SORCS1: variants seen among roughly 807,000 people sequenced by gnomAD.
The protein encoded by SORCS1 is VPS10 domain-containing receptor SorCS1.
A neutral mutation model predicts 146.1 loss-of-function variants in SORCS1; 60 were observed. The ratio of observed to expected loss-of-function variants is 0.41; its 90% CI spans 0.33 to 0.51. SORCS1 has a LOEUF of 0.51. Among genes scored for constraint, SORCS1 ranks in the 20% least tolerant of loss-of-function variants. SORCS1 has a pLI of 0.21. For missense variants in SORCS1, 1,352 were observed against 1,487.6 expected (o/e 0.91, Z 1.50); for synonymous variants, 637 against 584.0 (o/e 1.09, Z -1.31).
At chr10:107,140,398 A>G (rs1321197201) in intron 1 of SORCS1, among the ~76,000 whole-genome samples, 3 of 152,234 alleles carry the variant, frequency 2.0e-5, no homozygotes, top group Non-Finnish European at 4.4e-5. Flanking sequence ...TAATTCCACA[A>G]TATCATTTTT....
chr10:106,752,737 G>A (rs1564931659), intron 5 of SORCS1, among the ~76,000 whole-genome samples: 1 of 152,144 alleles, frequency 6.6e-6, no homozygotes, highest in Non-Finnish European at 1.5e-5. Context: ...TCATTGGGGT[G>A]TTGGTGGTGG....
Position 107,025,773 on chromosome 10 carries a change from T to C in SORCS1, c.559-69193A>G, listed in dbSNP as rs116381379. Among the ~76,000 whole-genome samples the C allele has an allele frequency of 9.8e-3, 1,488 of 152,264 alleles. 24 individuals are homozygous for C. Among genetic ancestry groups the C allele is most frequent in the African/African-American group, 0.033 (1,382 of 41,532 alleles). On this transcript the variant is annotated intron_variant, in intron 1 of 25. Coordinates refer to ENST00000263054, the MANE Select transcript of SORCS1 (RefSeq NM_052918.5). ...AGCTGGAACTTAATTCCACAGGCAGTAGGAACCACGGGAGTCTTTTATGGG... is the reference window on the plus strand; with the variant it reads ...AGCTGGAACTTAATTCCACAGGCAGCAGGAACCACGGGAGTCTTTTATGGG...
intron 3 of SORCS1, among the ~76,000 whole-genome samples, chr10:106,794,762 C>T (rs941062472): frequency 2.6e-5 from 4 of 152,270 alleles, no homozygotes; most frequent in African/African-American, 9.6e-5. Flanking sequence ...CTCGGCCTCC[C>T]AAAGTGCTGG....
chr10:106,694,356 T>G (rs1190952571), intron 9 of SORCS1, among the ~76,000 whole-genome samples: 2 of 152,138 alleles, frequency 1.3e-5, no homozygotes, highest in African/African-American at 4.8e-5. Flanking sequence ...ACCTCATGGG[T>G]GCAAGTGATT....
intron 1 of SORCS1, among the ~76,000 whole-genome samples, chr10:107,157,659 T>A (rs527506507): frequency 1.5e-4 from 23 of 152,340 alleles, no homozygotes; most frequent in African/African-American, 5.5e-4. Context: ...ATCCACGTCC[T>A]TTTTTTACTC....
chr10:107,143,815 T>C (rs772112838), intron 1 of SORCS1, among the ~76,000 whole-genome samples: 1 of 151,578 alleles, frequency 6.6e-6, no homozygotes, highest in Non-Finnish European at 1.5e-5. Flanking sequence ...AATTTTCCTA[T>C]TTTTTTTGTA....
intron 17 of SORCS1, chr10:106,667,451 T>C (rs1196569557): frequency 1.5e-5 from 7 of 479,376 alleles, no homozygotes; most frequent in African/African-American, 1.3e-4. Flanking sequence ...ATATCATCAT[T>C]GTGATCTTCA....
At position 107,049,066 on chromosome 10, in the gene SORCS1, C is replaced by T. The variant is rs530520799; in HGVS notation, c.559-92486G>A. On this transcript the variant is annotated intron_variant, in intron 1 of 25. Transcript: ENST00000263054. ...ATTAAGAAAATGTGGCACATATACA[C>T]CATGGAATACTATGCAGCCATAAAA... Among the ~76,000 whole-genome samples, 4 of 151,446 alleles carry T rather than the reference C, an allele frequency of 2.6e-5. No individual in the cohort carries two copies. The East Asian group carries it at 7.8e-4, about 29-fold the overall frequency.
chr10:107,139,638 A>G (rs1967633713), intron 1 of SORCS1, among the ~76,000 whole-genome samples: 1 of 152,220 alleles, frequency 6.6e-6, no homozygotes, highest in Admixed American at 6.5e-5. Context: ...GCCCAAATAC[A>G]TGACGCAGTT....
chr10:106,578,392 T>C (rs1350404230), intron 25 of SORCS1: 1 of 152,538 alleles, frequency 6.6e-6, no homozygotes. Context: ...CAACTTCTGG[T>C]AAGGGACAGT....
At chr10:106,617,018 G>A (rs1219890691) in intron 21 of SORCS1, among the ~76,000 whole-genome samples, 4 of 150,232 alleles carry the variant, frequency 2.7e-5, no homozygotes, top group East Asian at 2.0e-4. Flanking sequence ...GCAATGGCGC[G>A]ATCTTGGTTC....
At chr10:106,660,244 G>A (rs1850623474) in intron 17 of SORCS1, among the ~76,000 whole-genome samples, 1 of 152,154 alleles carries the variant, frequency 6.6e-6, no homozygotes, top group South Asian at 2.1e-4. Flanking sequence ...TATGGCTTAT[G>A]TAGAGAGGAA....
At chr10:106,716,532 T>C (rs536421979) in intron 6 of SORCS1, among the ~76,000 whole-genome samples, 1 of 152,364 alleles carries the variant, frequency 6.6e-6, no homozygotes, top group East Asian at 1.9e-4. Context: ...GTGATGTTGC[T>C]GGCAAGTCTG....
At chr10:106,759,714 A>C (rs1010739305) in intron 5 of SORCS1, among the ~76,000 whole-genome samples, 1 of 152,020 alleles carries the variant, frequency 6.6e-6, no homozygotes, top group African/African-American at 2.4e-5. Flanking sequence ...AAGGAATGCT[A>C]TTTCCTTTGT....
At chr10:107,011,169 T>C (rs1226098785) in intron 1 of SORCS1, among the ~76,000 whole-genome samples, 1 of 152,238 alleles carries the variant, frequency 6.6e-6, no homozygotes, top group East Asian at 1.9e-4. Flanking sequence ...CTTAACTTTT[T>C]GGCTGTGGAC....
At chr10:106,663,525 T>C (rs997233683) in intron 17 of SORCS1, among the ~76,000 whole-genome samples, 3 of 152,212 alleles carry the variant, frequency 2.0e-5, no homozygotes, top group African/African-American at 7.2e-5. Flanking sequence ...TCTAAATGTA[T>C]AGTGTCAGCA....
intron 1 of SORCS1, among the ~76,000 whole-genome samples, chr10:107,137,060 T>A (rs1652193858): frequency 6.6e-6 from 1 of 152,178 alleles, no homozygotes; most frequent in Admixed American, 6.5e-5. Context: ...GGCTCTGTGG[T>A]CGTAAGGCTC....
intron 2 of SORCS1, among the ~76,000 whole-genome samples, chr10:106,884,495 G>A: frequency 6.6e-6 from 1 of 151,594 alleles, no homozygotes; most frequent in East Asian, 1.9e-4. Flanking sequence ...TTAATAATAT[G>A]TGCAATTGAT....
chr10:106,682,310 A>G (rs886257620), intron 10 of SORCS1, among the ~76,000 whole-genome samples: 1 of 152,182 alleles, frequency 6.6e-6, no homozygotes, highest in African/African-American at 2.4e-5. Context: ...AGTAACAGCA[A>G]CATTAGAAAT....
Sources: allele counts gnomAD v4.1 joint callset (sites outside exome capture counted in the v4.1 genomes callset), GRCh38; gene constraint gnomAD v4.1.1; transcripts MANE v1.5; gene names NCBI Gene and HGNC (gene_info 2026-07-23, HGNC 2026-07-21).